CNOT2: variants seen among roughly 807,000 people sequenced by gnomAD.
CNOT2 encodes CC chemokine receptor 4-negative regulator of transcription 2.
In CNOT2, 7 loss-of-function variants were observed where a neutral mutation model predicts 72.1. That is an observed-to-expected ratio of 0.10 (90% CI 0.06 to 0.18). The LOEUF is 0.18. Among genes scored for constraint, CNOT2 ranks in the 10% least tolerant of loss-of-function variants. The pLI is 1.00. For synonymous variants in CNOT2, 196 were observed against 225.6 expected, an observed-to-expected ratio of 0.87 and a Z score of 1.17; for missense variants, 345 against 660.3, an observed-to-expected ratio of 0.52 and a Z score of 5.23.
intron 1 of CNOT2, among the ~76,000 whole-genome samples, chr12:70,249,012 A>G (rs1029678595): frequency 1.3e-5 from 2 of 152,046 alleles, no homozygotes; most frequent in Non-Finnish European, 2.9e-5. Flanking sequence ...TTGTTTTTCA[A>G]ACATATTGAT....
At chr12:70,264,361 C>A (rs1344957399) in intron 1 of CNOT2, among the ~76,000 whole-genome samples, 1 of 152,200 alleles carries the variant, frequency 6.6e-6, no homozygotes, top group Non-Finnish European at 1.5e-5. Context: ...AACTTCTCTA[C>A]ACTCTGTCCC....
intron 15 of CNOT2, among the ~76,000 whole-genome samples, chr12:70,349,544 C>T (rs1170172782): frequency 3.3e-5 from 5 of 151,862 alleles, no homozygotes; most frequent in South Asian, 4.2e-4. Context: ...AGCATTTTTC[C>T]CCAAATCACT....
chr12:70,271,561 A>G (rs1324459600), intron 1 of CNOT2, among the ~76,000 whole-genome samples: 2 of 151,746 alleles, frequency 1.3e-5, no homozygotes, highest in African/African-American at 2.4e-5. Context: ...TTTAGTAGAG[A>G]TGGGGTGTGC....
intron 3 of CNOT2, among the ~76,000 whole-genome samples, chr12:70,313,143 A>G (rs1876752961): frequency 6.6e-6 from 1 of 151,924 alleles, no homozygotes; most frequent in East Asian, 1.9e-4. Flanking sequence ...CATTAATTTT[A>G]CACACACACA....
chr12:70,327,824 T>TATC (rs57113667), intron 4 of CNOT2: 23,900 of 151,574 alleles, frequency 0.16, 2,140 homozygotes, highest in Admixed American at 0.28. Flanking sequence ...ATGTGAAAAG[T>TATC]ATGTTGATGG....
chr12:70,275,360 G>A (rs1191814314), intron 1 of CNOT2, among the ~76,000 whole-genome samples: 3 of 151,966 alleles, frequency 2.0e-5, no homozygotes, highest in Non-Finnish European at 4.4e-5. Flanking sequence ...ATTCTCTTTA[G>A]AGGTTGTTGA....
At chr12:70,305,441 G>T (rs1875106868) in intron 2 of CNOT2, among the ~76,000 whole-genome samples, 1 of 152,146 alleles carries the variant, frequency 6.6e-6, no homozygotes, top group African/African-American at 2.4e-5. Flanking sequence ...TGATATTTGG[G>T]TTCAGACACA....
intron 1 of CNOT2, among the ~76,000 whole-genome samples, chr12:70,267,724 C>T (rs369689409): frequency 2.6e-5 from 4 of 152,330 alleles, no homozygotes; most frequent in African/African-American, 9.6e-5. Context: ...ACAGTGAGGT[C>T]ACTTGCTTTC....
chr12:70,275,689 A>C (rs1242865213), intron 1 of CNOT2, among the ~76,000 whole-genome samples: 1 of 152,048 alleles, frequency 6.6e-6, no homozygotes, highest in Non-Finnish European at 1.5e-5. Flanking sequence ...TGAATTCTTG[A>C]ATATAGGACT....
intron 2 of CNOT2, among the ~76,000 whole-genome samples, chr12:70,286,914 T>G (rs1299895747): frequency 6.6e-6 from 1 of 152,156 alleles, no homozygotes; most frequent in Non-Finnish European, 1.5e-5. Flanking sequence ...TTATGACTAC[T>G]TTTGTTGCTT....
intron 2 of CNOT2, among the ~76,000 whole-genome samples, chr12:70,291,956 A>C (rs1369208430): frequency 6.6e-6 from 1 of 152,054 alleles, no homozygotes; most frequent in Non-Finnish European, 1.5e-5. Context: ...AAACAAAACA[A>C]CACCACGGTA....
chr12:70,330,830 A>G (rs940717622), intron 6 of CNOT2: 1 of 167,662 alleles, frequency 6.0e-6, no homozygotes, highest in Non-Finnish European at 1.3e-5. Flanking sequence ...GACTATTACT[A>G]CTTTGCTTTA....
intron 2 of CNOT2, among the ~76,000 whole-genome samples, chr12:70,308,538 C>A (rs1875840789): frequency 6.8e-6 from 1 of 147,290 alleles, no homozygotes; most frequent in East Asian, 2.1e-4. Flanking sequence ...AGAAATTAAG[C>A]TTAAGTTTGG....
chr12:70,270,011 A>G (rs1368524947), intron 1 of CNOT2, among the ~76,000 whole-genome samples: 3 of 152,202 alleles, frequency 2.0e-5, no homozygotes, highest in African/African-American at 7.2e-5. Flanking sequence ...GTTAATTATA[A>G]TTAGTGCTTT....
At position 70,253,965 on chromosome 12, in the gene CNOT2, G is replaced by A. The variant is rs567404210; in HGVS notation, c.-96+10485G>A. Among the ~76,000 whole-genome samples, 21 of 152,220 alleles carry A rather than the reference G, an allele frequency of 1.4e-4. No individual in the cohort carries two copies. In the South Asian group the frequency reaches 3.7e-3, roughly 27 times the overall value. On this transcript the variant is annotated intron_variant, in intron 1 of 15. Coordinates refer to ENST00000229195, the MANE Select transcript of CNOT2 (RefSeq NM_014515.7). ...TAGCTAATAATAAAATAGGCCAGGC[G>A]CAGTGGCTCACGCCTGTAGTCCCAA...
chr12:70,245,511 A>G lies in CNOT2; in HGVS notation c.-96+2031A>G, dbSNP rs144955907. ...GCAGGAATCTTTTTCTAAGTATACA[A>G]TGTAGAGATATCTGTAACCTAATCT... is the stretch of plus-strand genomic sequence containing the variant. On this transcript the variant is annotated intron_variant, in intron 1 of 15. Coordinates refer to ENST00000229195, the MANE Select transcript of CNOT2 (RefSeq NM_014515.7). 8.5e-3 allele frequency among the ~76,000 whole-genome samples: 1,298 copies of G among 152,308 alleles called. 76 individuals carry two copies. Among genetic ancestry groups the G allele is most frequent in the Admixed American group, 0.079 (1,205 of 15,302 alleles).
chr12:70,348,073 A>G (rs1429363439), intron 15 of CNOT2: 3 of 152,154 alleles, frequency 2.0e-5, no homozygotes, highest in Admixed American at 1.3e-4. Context: ...GTTTTTATGA[A>G]GATTAAATGA....
At chr12:70,305,489 T>C (rs1041167377) in intron 2 of CNOT2, among the ~76,000 whole-genome samples, 1 of 152,148 alleles carries the variant, frequency 6.6e-6, no homozygotes, top group African/African-American at 2.4e-5. Context: ...ACCGTAGAGA[T>C]GAAAAGATAT....
At chr12:70,300,394 G>A (rs1256791699) in intron 2 of CNOT2, among the ~76,000 whole-genome samples, 1 of 152,160 alleles carries the variant, frequency 6.6e-6, no homozygotes, top group Non-Finnish European at 1.5e-5. Context: ...ATTAATTTTT[G>A]TATAAGGTGT....
Sources: allele counts gnomAD v4.1 joint callset (sites outside exome capture counted in the v4.1 genomes callset), GRCh38; gene constraint gnomAD v4.1.1; transcripts MANE v1.5; gene names NCBI Gene and HGNC (gene_info 2026-07-23, HGNC 2026-07-21).